Variants in POU2AF1 observed in about 807,000 individuals in gnomAD.
POU2AF1 encodes the protein POU class 2 homeobox associating factor 1.
In POU2AF1, 12 loss-of-function variants were observed where a neutral mutation model predicts 26.3. That is an observed-to-expected ratio of 0.46 (90% CI 0.29 to 0.74). POU2AF1 has a LOEUF of 0.74. Among genes scored for constraint, POU2AF1 ranks in the 30% least tolerant of loss-of-function variants. The pLI is 0.09. For synonymous variants in POU2AF1, 175 were observed against 148.0 expected (o/e 1.18, Z -1.32); for missense variants, 297 against 334.5 (o/e 0.89, Z 0.87).
rs572134053 is a variant in POU2AF1, at chr11:111,353,545, G to A, written c.*716C>T. The A allele has an allele frequency of 6.9e-5, 16 of 233,460 alleles. No homozygotes were observed. In the South Asian group the frequency reaches 1.1e-3, roughly 16 times the overall value. The allele number at this position is 233,460 out of a possible 1,614,324, so 14.5% of individuals were successfully genotyped here. On this transcript the variant is annotated 3_prime_UTR_variant, in exon 5 of 5. Transcript: ENST00000393067. ...TGCTGCCTGGACTGTAAATCTGGCC[G>A]AGGCTGAGAAGAGCAAACAAAGGAG...
chr11:111,376,918 TA>T (rs1304248654), intron 1 of POU2AF1, among the ~76,000 whole-genome samples: 1 of 152,078 alleles, frequency 6.6e-6, no homozygotes, highest in East Asian at 1.9e-4. Context: ...CTTTAAGGCT[TA>T]AAGGACAATT....
chr11:111,370,432 ACT>A (rs1861186454), intron 1 of POU2AF1, among the ~76,000 whole-genome samples: 1 of 152,072 alleles, frequency 6.6e-6, no homozygotes, highest in Non-Finnish European at 1.5e-5. Flanking sequence ...ACTCACTGCC[ACT>A]CTCTGTGACC....
rs1405085640 is a variant in POU2AF1, at chr11:111,357,545, G to A, written c.356C>T (p.Ser119Leu). 1 of 1,614,194 alleles carries A rather than the reference G, an allele frequency of 6.2e-7. No homozygotes were observed. Residue 119 changes from serine (S) to leucine (L), a missense_variant, in exon 4 of 5, where the codon TCA becomes TTA. Coordinates refer to ENST00000393067, the MANE Select transcript of POU2AF1 (RefSeq NM_006235.3). ...VPHEAVSCPY[S>L]ADMYVQPVCP... Reference sequence around the variant, plus strand: ...CACGGGCTGCACATACATGTCAGCTGAGTAGGGGCAGCTGACAGCTTCATG... The same window carrying A: ...CACGGGCTGCACATACATGTCAGCTAAGTAGGGGCAGCTGACAGCTTCATG...
chr11:111,375,572 T>C (rs540843198), intron 1 of POU2AF1, among the ~76,000 whole-genome samples: 87 of 152,034 alleles, frequency 5.7e-4, no homozygotes, highest in African/African-American at 2.1e-3. Context: ...CTAATTTTTT[T>C]GTATTTTTAG....
intron 4 of POU2AF1, among the ~76,000 whole-genome samples, chr11:111,356,661 C>CG (rs1860851789): frequency 6.6e-6 from 1 of 152,162 alleles, no homozygotes; most frequent in African/African-American, 2.4e-5. Flanking sequence ...CCTTCATTCC[C>CG]GGGGGAAGAG....
At chr11:111,362,534 T>C (rs1318359463) in intron 1 of POU2AF1, among the ~76,000 whole-genome samples, 1 of 152,226 alleles carries the variant, frequency 6.6e-6, no homozygotes. Flanking sequence ...TGTGAATTTG[T>C]AGTTCCCACA....
At chr11:111,358,350 A>ACT (rs1565360528) in intron 2 of POU2AF1, among the ~76,000 whole-genome samples, 3 of 31,946 alleles carry the variant, frequency 9.4e-5, no homozygotes, top group Non-Finnish European at 3.0e-4. Flanking sequence ...ACACTCTCAC[A>ACT]CTCACACTCT....
chr11:111,356,049 C>T (rs1015772612), intron 4 of POU2AF1, among the ~76,000 whole-genome samples: 1 of 152,244 alleles, frequency 6.6e-6, no homozygotes, highest in East Asian at 1.9e-4. Flanking sequence ...TGTGGACTTA[C>T]AGCTCTAGCC....
At chr11:111,367,542 CA>C (rs1805101310) in intron 1 of POU2AF1, among the ~76,000 whole-genome samples, 2 of 152,184 alleles carry the variant, frequency 1.3e-5, no homozygotes, top group African/African-American at 2.4e-5. Flanking sequence ...ATTCCAAGTA[CA>C]CTCCACTTCT....
intron 2 of POU2AF1, among the ~76,000 whole-genome samples, chr11:111,358,429 C>G: frequency 2.1e-5 from 2 of 97,188 alleles, no homozygotes; most frequent in African/African-American, 7.4e-5. Context: ...CGCTCACACT[C>G]TCACACTCAC....
chr11:111,362,719 C>T (rs2135122140), intron 1 of POU2AF1, among the ~76,000 whole-genome samples: 1 of 152,256 alleles, frequency 6.6e-6, no homozygotes, highest in South Asian at 2.1e-4. Context: ...AAAGTACAGT[C>T]TGAGGCATTG....
chr11:111,370,141 C>T (rs918162012), intron 1 of POU2AF1, among the ~76,000 whole-genome samples: 4 of 152,038 alleles, frequency 2.6e-5, no homozygotes, highest in Non-Finnish European at 5.9e-5. Flanking sequence ...TGAGAGTAGC[C>T]CTAACAATGG....
chr11:111,365,297 C>T (rs1210758974), intron 1 of POU2AF1, among the ~76,000 whole-genome samples: 1 of 152,148 alleles, frequency 6.6e-6, no homozygotes, highest in Non-Finnish European at 1.5e-5. Flanking sequence ...TTATGAAGGA[C>T]ATTGGAGAAA....
chr11:111,367,214 T>A (rs1014957786), intron 1 of POU2AF1, among the ~76,000 whole-genome samples: 3 of 151,908 alleles, frequency 2.0e-5, no homozygotes, highest in African/African-American at 7.3e-5. Context: ...GCAGATCAGG[T>A]CAAGCACAGA....
Position 111,354,398 on chromosome 11 carries a change from TAG to T in POU2AF1, c.632_633del (p.Ser211TyrfsTer31). The T allele has an allele frequency of 6.2e-7, 1 of 1,614,038 alleles. No individual in the cohort carries two copies. The highest frequency in any genetic ancestry group is 8.5e-7 in the Non-Finnish European group (1 of 1,179,994). On this transcript the variant is annotated frameshift_variant, in exon 5 of 5. Coordinates refer to ENST00000393067, the MANE Select transcript of POU2AF1 (RefSeq NM_006235.3). LOFTEE classifies it high-confidence loss of function. ...PGPQFVQLPISIPEPVLQDME... is the reference protein window; with the variant it reads ...PGPQFVQLPIXIPEPVLQDME... ...ATGTCCTGAAGGACTGGCTCTGGGATAGAGATGGGGAGCTGGACAAACTGGGG... is the reference window on the plus strand; with the variant it reads ...ATGTCCTGAAGGACTGGCTCTGGGATAGATGGGGAGCTGGACAAACTGGGG...
chr11:111,359,903 C>A (rs1351854933), intron 1 of POU2AF1: 1 of 518,408 alleles, frequency 1.9e-6, no homozygotes, highest in African/African-American at 1.9e-5. Context: ...CTCTCCTACA[C>A]CTTTAGGATT....
At chr11:111,373,056 T>G (rs1861242898) in intron 1 of POU2AF1, among the ~76,000 whole-genome samples, 1 of 152,222 alleles carries the variant, frequency 6.6e-6, no homozygotes, top group Non-Finnish European at 1.5e-5. Flanking sequence ...TGAGACTCCA[T>G]AAGATCCTGA....
chr11:111,358,297 AACAC>A (rs777951920), intron 2 of POU2AF1, among the ~76,000 whole-genome samples: 1 of 135,262 alleles, frequency 7.4e-6, no homozygotes, highest in African/African-American at 2.8e-5. Flanking sequence ...TTCTCACACA[AACAC>A]ACACACTCTC....
rs78608435 is a variant in POU2AF1, at chr11:111,376,549, T to C, written c.16+2613A>G. ...TTCTGGGCTTTGTCACTTTATGCTC[T>C]AATCTTAACCAAAAGCCAGGGTTCA... On this transcript the variant is annotated intron_variant, in intron 1 of 4. Coordinates refer to ENST00000393067, the MANE Select transcript of POU2AF1 (RefSeq NM_006235.3). 3.9e-5 allele frequency among the ~76,000 whole-genome samples: 6 copies of C among 152,360 alleles called. No individual in the cohort carries two copies. The East Asian group carries it at 1.2e-3, about 29-fold the overall frequency.
Sources: gnomAD v4.1 joint callset for allele counts (sites outside exome capture counted in the v4.1 genomes callset) on GRCh38, gnomAD v4.1.1 for gene constraint, MANE v1.5 for transcripts, NCBI Gene and HGNC (gene_info 2026-07-23, HGNC 2026-07-21) for gene names.